GLIS1: variants seen among roughly 807,000 people sequenced by gnomAD.
GLIS1 encodes the protein GLIS family zinc finger 1.
In GLIS1, 24 loss-of-function variants were observed where a neutral mutation model predicts 63.8. The ratio of observed to expected loss-of-function variants is 0.38; its 90% confidence interval spans 0.27 to 0.53. The LOEUF (loss-of-function observed/expected upper bound fraction) is 0.53. Ranked by LOEUF, GLIS1 falls within the 20% of genes least tolerant of loss-of-function variation. The pLI is 0.85. For missense variants in GLIS1, 1,036 were observed against 1,074.1 expected (o/e 0.96, Z 0.50); for synonymous variants, 450 against 482.5 (o/e 0.93, Z 0.88).
chr1:53,703,124 G>A (rs1213394860), intron 2 of GLIS1, among the ~76,000 whole-genome samples: 1 of 152,224 alleles, frequency 6.6e-6, no homozygotes, highest in East Asian at 1.9e-4. Flanking sequence ...CCCTGGCAGG[G>A]CTCTGGTGGA....
intron 2 of GLIS1, among the ~76,000 whole-genome samples, chr1:53,665,060 C>T (rs1646076442): frequency 1.3e-5 from 2 of 152,246 alleles, no homozygotes; most frequent in South Asian, 4.2e-4. Context: ...ATCGCAGCCA[C>T]TGGAGGGTTC....
intron 4 of GLIS1, among the ~76,000 whole-genome samples, chr1:53,565,493 A>C (rs1213729819): frequency 6.6e-6 from 1 of 151,980 alleles, no homozygotes; most frequent in Admixed American, 6.6e-5. Flanking sequence ...ATTTTTTTTA[A>C]AAAAGAAGGC....
At chr1:53,683,242 G>A (rs1456930401) in intron 2 of GLIS1, among the ~76,000 whole-genome samples, 1 of 152,142 alleles carries the variant, frequency 6.6e-6, no homozygotes, top group African/African-American at 2.4e-5. Flanking sequence ...ATCTACCAAT[G>A]GCCAGGTGCT....
At chr1:53,698,644 G>A (rs1041719402) in intron 2 of GLIS1, among the ~76,000 whole-genome samples, 5 of 152,200 alleles carry the variant, frequency 3.3e-5, no homozygotes, top group Non-Finnish European at 7.4e-5. Context: ...ACCTGGGTCC[G>A]GGTAGACCGA....
intron 4 of GLIS1, among the ~76,000 whole-genome samples, chr1:53,546,912 T>C (rs1318626897): frequency 6.7e-6 from 1 of 150,048 alleles, no homozygotes; most frequent in Non-Finnish European, 1.5e-5. Context: ...TCAAGCATTG[T>C]AACTGCCGGG....
intron 4 of GLIS1, among the ~76,000 whole-genome samples, chr1:53,561,936 G>A (rs1388902033): frequency 6.6e-6 from 1 of 152,186 alleles, no homozygotes; most frequent in South Asian, 2.1e-4. Context: ...CCGTCTCAGA[G>A]GTGGTGAGAC....
In GLIS1 at chr1:53,525,403, T is replaced by C. The variant is rs199598815; in HGVS notation, c.1483-516A>G. On this transcript the variant is annotated intron_variant, in intron 5 of 10. Coordinates refer to ENST00000628545, the MANE Select transcript of GLIS1 (RefSeq NM_001367484.1). ...CTTGGGGCCACAAGAAACCAGGTCC[T>C]CCTGCCAATAGCTGTGAGAGGCTGG... Among the ~76,000 whole-genome samples, 3 of 3,858 alleles carry C rather than the reference T, an allele frequency of 7.8e-4. No homozygotes were observed. In the East Asian group the frequency reaches 0.017, roughly 22 times the overall value. 2.5% of individuals were successfully genotyped at this position (3,858 alleles called of 152,430 possible).
chr1:53,595,709 T>G (rs749272565), intron 3 of GLIS1, among the ~76,000 whole-genome samples: 1 of 152,218 alleles, frequency 6.6e-6, no homozygotes, highest in Non-Finnish European at 1.5e-5. Flanking sequence ...TACATGTCCT[T>G]TAAATCTTTC....
intron 8 of GLIS1, among the ~76,000 whole-genome samples, chr1:53,510,787 G>T (rs1238013740): frequency 6.6e-6 from 1 of 152,226 alleles, no homozygotes; most frequent in East Asian, 1.9e-4. Context: ...TTCCTGCACA[G>T]TGTACTCTGA....
chr1:53,521,455 T>C (rs1393714827), intron 6 of GLIS1, among the ~76,000 whole-genome samples: 1 of 152,122 alleles, frequency 6.6e-6, no homozygotes, highest in African/African-American at 2.4e-5. Context: ...TCTTACTCCC[T>C]GTGTAATGCT....
At chr1:53,603,566 G>T (rs913065951) in intron 2 of GLIS1, among the ~76,000 whole-genome samples, 55 of 152,332 alleles carry the variant, frequency 3.6e-4, no homozygotes, top group African/African-American at 1.3e-3. Context: ...CCTGTCTGTT[G>T]TCTTGCCTCC....
Position 53,510,018 on chromosome 1 carries a change from G to A in GLIS1, c.1893C>T (p.Pro631=), listed in dbSNP as rs371431520. ...GGCTGACTATTGGTGAGAGGAGGCC[G>A]GGCCCCAACCTGGAGAGAACAGAGG... ...MAESTRDGLG[P]GLLSPIVSPL... The change falls in exon 9 of 11, where the codon CCC becomes CCT. Residue 631 remains proline, a synonymous_variant. Transcript: ENST00000628545. 42 of 1,269,716 alleles carry A rather than the reference G, an allele frequency of 3.3e-5. 1 individual carries two copies. In the East Asian group the frequency reaches 3.9e-4, roughly 12 times the overall value. The allele number at this position is 1,269,716 out of a possible 1,614,324, so 78.7% of individuals were successfully genotyped here.
chr1:53,520,130 G>A (rs928968703), intron 7 of GLIS1, among the ~76,000 whole-genome samples: 2 of 152,226 alleles, frequency 1.3e-5, no homozygotes, highest in African/African-American at 4.8e-5. Context: ...TCAGCACTGG[G>A]GCAGAGCGAA....
chr1:53,718,244 T>C (rs1160773764), intron 2 of GLIS1, among the ~76,000 whole-genome samples: 1 of 152,188 alleles, frequency 6.6e-6, no homozygotes, highest in Non-Finnish European at 1.5e-5. Context: ...TAAACCAGAA[T>C]CCAGGGGGCA....
intron 2 of GLIS1, among the ~76,000 whole-genome samples, chr1:53,712,388 G>C (rs955404559): frequency 6.6e-6 from 1 of 152,218 alleles, no homozygotes; most frequent in African/African-American, 2.4e-5. Context: ...GGCCCAGAAT[G>C]CCTTCCTCCC....
rs1491234978 is a variant in GLIS1, at chr1:53,556,629, T to TG, written c.1321-26678_1321-26677insC. 1.1e-3 allele frequency among the ~76,000 whole-genome samples: 159 copies of TG among 146,696 alleles called. 1 individual carries two copies. Among genetic ancestry groups the TG allele is most frequent in the African/African-American group, 3.8e-3 (146 of 38,916 alleles). On this transcript the variant is annotated intron_variant, in intron 4 of 10. Coordinates refer to ENST00000628545, the MANE Select transcript of GLIS1 (RefSeq NM_001367484.1). ...TGTGCAGGTGTACTGCAGGTATGTG[T>TG]TTGTGTATGCAGGTGTACTGTAGGT...
At chr1:53,665,690 C>T (rs1161052378) in intron 2 of GLIS1, among the ~76,000 whole-genome samples, 1 of 152,118 alleles carries the variant, frequency 6.6e-6, no homozygotes. Context: ...AACCCTGGGG[C>T]ATGGGTACTT....
chr1:53,710,941 T>C (rs1646640484), intron 2 of GLIS1, among the ~76,000 whole-genome samples: 1 of 151,678 alleles, frequency 6.6e-6, no homozygotes, highest in South Asian at 2.1e-4. Context: ...CTGGAGGGGC[T>C]GACCAGCCCC....
intron 6 of GLIS1, among the ~76,000 whole-genome samples, chr1:53,521,151 A>G (rs1268873797): frequency 2.0e-5 from 3 of 152,094 alleles, no homozygotes; most frequent in African/African-American, 7.2e-5. Context: ...CAGGGAGTCC[A>G]GTGCCTCCTA....
Sources: allele counts gnomAD v4.1 joint callset (sites outside exome capture counted in the v4.1 genomes callset), GRCh38; gene constraint gnomAD v4.1.1; transcripts MANE v1.5; gene names NCBI Gene and HGNC (gene_info 2026-07-23, HGNC 2026-07-21).